The following SCIN variants were observed in gnomAD, a reference collection of about 807,000 sequenced individuals.
The protein encoded by SCIN is adseverin.
A neutral mutation model predicts 91.8 loss-of-function variants in SCIN; 91 were observed. The ratio of observed to expected loss-of-function variants is 0.99; its 90% CI spans 0.84 to 1.18. SCIN has a LOEUF of 1.18. SCIN is among the 50% of genes most tolerant of loss of function. The probability of loss-of-function intolerance (pLI) is 0.00; values close to 1 mark genes in which losing one functional copy is unlikely to be tolerated. For missense variants in SCIN, 1,087 were observed against 863.9 expected, an observed-to-expected ratio of 1.26 and a Z score of -3.24; for synonymous variants, 367 against 312.6, an observed-to-expected ratio of 1.17 and a Z score of -1.84.
chr7:12,627,679 A>G (rs1168109493), intron 8 of SCIN, among the ~76,000 whole-genome samples: 3 of 152,140 alleles, frequency 2.0e-5, no homozygotes, highest in Non-Finnish European at 4.4e-5. Context: ...GCCAAGGGAG[A>G]AGGTCACAAA....
At chr7:12,626,846 T>C (rs1210463660) in intron 8 of SCIN, 47 bp downstream of exon 8, 2 of 1,498,074 alleles carry the variant, frequency 1.3e-6, no homozygotes, top group African/African-American at 1.4e-5. Context: ...TGCCAGTGTA[T>C]GTAGGGGGAG....
chr7:12,617,968 G>T (rs1356518948), intron 4 of SCIN, among the ~76,000 whole-genome samples: 1 of 151,950 alleles, frequency 6.6e-6, no homozygotes, highest in Non-Finnish European at 1.5e-5. Flanking sequence ...TAACTTGTAA[G>T]GTAACTTTCC....
At chr7:12,578,025 C>G (rs1370692137) in intron 1 of SCIN, 39 bp from the exon 2 acceptor site, 1 of 1,489,984 alleles carries the variant, frequency 6.7e-7, no homozygotes, top group Non-Finnish European at 8.9e-7. Flanking sequence ...AATCCTTTCT[C>G]TTGCTTGATA....
intron 13 of SCIN, among the ~76,000 whole-genome samples, chr7:12,645,043 G>A (rs1340442395): frequency 1.4e-5 from 2 of 144,692 alleles, no homozygotes; most frequent in African/African-American, 2.6e-5. Flanking sequence ...AAAAGGGCCG[G>A]GCGCGGTGGC....
intron 11 of SCIN, among the ~76,000 whole-genome samples, chr7:12,641,724 C>T (rs1383051240): frequency 6.6e-6 from 1 of 152,116 alleles, no homozygotes; most frequent in African/African-American, 2.4e-5. Context: ...CTCCTTTACT[C>T]CAGAATGCAC....
chr7:12,645,991 A>G (rs932166293), intron 13 of SCIN, among the ~76,000 whole-genome samples: 3 of 152,202 alleles, frequency 2.0e-5, no homozygotes, highest in Non-Finnish European at 2.9e-5. Flanking sequence ...TTACATGTCA[A>G]TTTCCCAGCG....
At chr7:12,581,986 T>A (rs1355645057) in intron 3 of SCIN, among the ~76,000 whole-genome samples, 3 of 152,220 alleles carry the variant, frequency 2.0e-5, no homozygotes, top group South Asian at 2.1e-4. Context: ...ACAGAACTTA[T>A]AAGGCTCTCC....
chr7:12,612,412 A>G (rs969691913), intron 4 of SCIN, among the ~76,000 whole-genome samples: 2 of 152,222 alleles, frequency 1.3e-5, no homozygotes, highest in African/African-American at 2.4e-5. Context: ...CTGCATATAG[A>G]GAAGAGATGA....
intron 4 of SCIN, among the ~76,000 whole-genome samples, chr7:12,611,552 G>A (rs1196122018): frequency 6.6e-6 from 1 of 152,106 alleles, no homozygotes; most frequent in Admixed American, 6.6e-5. Flanking sequence ...ACAGAGAGAG[G>A]AAAGAGCTTT....
chr7:12,574,891 TGGTAAGAATAACATTA>T (rs1411487882), intron 1 of SCIN, among the ~76,000 whole-genome samples: 1 of 152,182 alleles, frequency 6.6e-6, no homozygotes, highest in East Asian at 1.9e-4. Flanking sequence ...ACTGTGATTT[TGGTAAGAATAACATTA>T]GGCCTATAGA....
rs1449684029 is a variant in SCIN, at chr7:12,604,585, C to T, written c.588C>T (p.Gly196=). ...ERLKANQVAT[G]IRYNERKGRS... ...TGAAGGCAAACCAGGTAGCTACTGG[C>T]ATTCGGTACAATGAAAGGAAAGGAA... is the stretch of plus-strand genomic sequence containing the variant. The change falls in exon 4 of 16, where the codon GGC becomes GGT. Residue 196 remains glycine, a synonymous_variant. Coordinates refer to ENST00000297029, the MANE Select transcript of SCIN (RefSeq NM_001112706.3). The T allele has an allele frequency of 1.4e-5, 21 of 1,551,798 alleles. No homozygotes were observed. Among genetic ancestry groups the T allele is most frequent in the Non-Finnish European group, 1.7e-5 (19 of 1,146,948 alleles).
intron 4 of SCIN, among the ~76,000 whole-genome samples, chr7:12,613,101 G>T (rs1783230571): frequency 6.6e-6 from 1 of 152,158 alleles, no homozygotes; most frequent in South Asian, 2.1e-4. Flanking sequence ...TGCCCCACAA[G>T]ACGTATATCT....
chr7:12,581,685 C>G (rs1428069311), intron 3 of SCIN, among the ~76,000 whole-genome samples: 1 of 152,164 alleles, frequency 6.6e-6, no homozygotes, highest in Non-Finnish European at 1.5e-5. Context: ...CCATTTCACA[C>G]TTTTCAATTA....
chr7:12,641,470 C>T (rs972607520), intron 11 of SCIN, among the ~76,000 whole-genome samples: 3 of 152,086 alleles, frequency 2.0e-5, no homozygotes, highest in African/African-American at 7.2e-5. Flanking sequence ...TCAGACTTTC[C>T]GTCCTCTAGA....
At chr7:12,609,103 T>G (rs1438148536) in intron 4 of SCIN, among the ~76,000 whole-genome samples, 2 of 152,260 alleles carry the variant, frequency 1.3e-5, no homozygotes, top group East Asian at 3.9e-4. Flanking sequence ...GACCATAAAT[T>G]TATCCTCCAA....
At chr7:12,643,122 C>G (rs572534174) in intron 11 of SCIN, among the ~76,000 whole-genome samples, 4 of 152,192 alleles carry the variant, frequency 2.6e-5, no homozygotes, top group East Asian at 3.8e-4. Flanking sequence ...AGTGGACATT[C>G]CTTTGTGAGA....
At chr7:12,645,310 A>G (rs1783942167) in intron 13 of SCIN, among the ~76,000 whole-genome samples, 1 of 152,162 alleles carries the variant, frequency 6.6e-6, no homozygotes, top group South Asian at 2.1e-4. Context: ...CCTGGGCAAC[A>G]GAGTGAGACT....
chr7:12,631,600 C>T (rs1311932621), intron 9 of SCIN, among the ~76,000 whole-genome samples: 2 of 152,112 alleles, frequency 1.3e-5, no homozygotes, highest in East Asian at 1.9e-4. Flanking sequence ...GAGAAAGAAG[C>T]CTGAGCTGGC....
intron 3 of SCIN, among the ~76,000 whole-genome samples, chr7:12,601,062 A>G (rs1562607577): frequency 1.3e-5 from 2 of 152,240 alleles, no homozygotes; most frequent in Non-Finnish European, 2.9e-5. Context: ...CCCTTTGACC[A>G]TACTAAATAA....
Sources: allele counts gnomAD v4.1 joint callset (sites outside exome capture counted in the v4.1 genomes callset), GRCh38; gene constraint gnomAD v4.1.1; transcripts MANE v1.5; gene names NCBI Gene and HGNC (gene_info 2026-07-23, HGNC 2026-07-21).